CLSTN2: variants seen among roughly 807,000 people sequenced by gnomAD.
CLSTN2 encodes calsyntenin 2, also known as calsyntenin-2.
A neutral mutation model predicts 101.2 loss-of-function variants in CLSTN2; 48 were observed. That is an observed-to-expected ratio of 0.47 (90% CI 0.38 to 0.60). The LOEUF (loss-of-function observed/expected upper bound fraction) is 0.60. Among genes scored for constraint, CLSTN2 ranks in the 20% least tolerant of loss-of-function variants. CLSTN2 has a pLI of 0.00. For synonymous variants in CLSTN2, 481 were observed against 463.6 expected (o/e 1.04, Z -0.48); for missense variants, 1,160 against 1,238.2 (o/e 0.94, Z 0.95).
At chr3:140,110,043 C>T (rs929677284) in intron 1 of CLSTN2, among the ~76,000 whole-genome samples, 1 of 152,118 alleles carries the variant, frequency 6.6e-6, no homozygotes, top group Admixed American at 6.5e-5. Context: ...CAATTTTATG[C>T]CAGGTTTTGC....
intron 2 of CLSTN2, among the ~76,000 whole-genome samples, chr3:140,240,977 A>G (rs2086462327): frequency 6.6e-6 from 1 of 152,160 alleles, no homozygotes; most frequent in Non-Finnish European, 1.5e-5. Context: ...GTTGTAATGT[A>G]CCAGGATCTC....
intron 2 of CLSTN2, among the ~76,000 whole-genome samples, chr3:140,336,415 G>C (rs752518562): frequency 1.3e-5 from 2 of 152,224 alleles, no homozygotes; most frequent in African/African-American, 4.8e-5. Flanking sequence ...GATGAGGCTG[G>C]ACTATGGTTA....
At chr3:140,207,705 C>T (rs191531584) in intron 2 of CLSTN2, among the ~76,000 whole-genome samples, 275 of 152,160 alleles carry the variant, frequency 1.8e-3, no homozygotes, top group African/African-American at 5.9e-3. Flanking sequence ...TTGATTGTTG[C>T]ATAGGGTAAA....
chr3:140,111,019 T>G (rs1403855619), intron 1 of CLSTN2, among the ~76,000 whole-genome samples: 1 of 152,160 alleles, frequency 6.6e-6, no homozygotes, highest in Admixed American at 6.5e-5. Context: ...AACCCCATTC[T>G]CCTATTGTTC....
At chr3:140,194,037 T>C in intron 2 of CLSTN2, among the ~76,000 whole-genome samples, 1 of 152,210 alleles carries the variant, frequency 6.6e-6, no homozygotes, top group East Asian at 1.9e-4. Context: ...TTCTACTTTT[T>C]CTTTTGATTC....
intron 5 of CLSTN2, among the ~76,000 whole-genome samples, chr3:140,427,231 A>ATATATG (rs2088581071): frequency 9.8e-6 from 1 of 102,266 alleles, no homozygotes; most frequent in African/African-American, 5.7e-5. Flanking sequence ...ATATGTGTGT[A>ATATATG]TATATATATA....
intron 1 of CLSTN2, among the ~76,000 whole-genome samples, chr3:139,982,656 G>A (rs1452566172): frequency 6.6e-6 from 1 of 152,158 alleles, no homozygotes; most frequent in African/African-American, 2.4e-5. Flanking sequence ...GTTTCACTGT[G>A]TTGCTGCTAA....
chr3:140,176,065 C>A lies in CLSTN2; in HGVS notation c.224C>A (p.Pro75His). 2.5e-6 allele frequency: 4 copies of A among 1,613,744 alleles called. No homozygotes were observed. The highest frequency in any genetic ancestry group is 3.4e-6 in the Non-Finnish European group (4 of 1,179,812). Residue 75 changes from proline (P) to histidine (H), a missense_variant, in exon 2 of 17, where the codon CCT (proline) becomes CAT (histidine). Coordinates refer to ENST00000458420, the MANE Select transcript of CLSTN2 (RefSeq NM_022131.3). ...GCCCTGGATAAAGATGCACCGGTTC[C>A]TTTTGCAGGTGAGATTATGGCTTCG... ...LVALDKDAPV[P>H]FAGEICAFKI...
intron 1 of CLSTN2, among the ~76,000 whole-genome samples, chr3:140,042,331 G>A (rs1353319131): frequency 6.6e-6 from 1 of 152,178 alleles, no homozygotes; most frequent in East Asian, 1.9e-4. Flanking sequence ...TAGAAAAAAT[G>A]TGGGCTTTTG....
At chr3:140,101,286 CATT>C (rs1482819241) in intron 1 of CLSTN2, among the ~76,000 whole-genome samples, 1 of 152,126 alleles carries the variant, frequency 6.6e-6, no homozygotes, top group Non-Finnish European at 1.5e-5. Context: ...TAGACTTACC[CATT>C]ATTATTTTAT....
intron 2 of CLSTN2, among the ~76,000 whole-genome samples, chr3:140,374,938 C>T (rs1447821939): frequency 1.3e-5 from 2 of 152,252 alleles, no homozygotes; most frequent in Non-Finnish European, 2.9e-5. Context: ...TACACCAGCC[C>T]AGCTTAAAGC....
intron 2 of CLSTN2, among the ~76,000 whole-genome samples, chr3:140,344,515 G>A (rs1349497403): frequency 6.6e-6 from 1 of 152,108 alleles, no homozygotes; most frequent in Non-Finnish European, 1.5e-5. Flanking sequence ...TTTTCTATAA[G>A]TGCCATGGTC....
Position 140,563,298 on chromosome 3 carries a change from G to A in CLSTN2, c.2482+95G>A. 4.2e-6 allele frequency: 6 copies of A among 1,444,716 alleles called. No homozygotes were observed. In the South Asian group the frequency reaches 7.6e-5, roughly 18 times the overall value. 89.5% of individuals were successfully genotyped at this position (1,444,716 alleles called of 1,614,324 possible). The stretch of plus-strand genomic sequence containing the variant: ...AGACGGTTATGTTGTAGCAAACGTA[G>A]GTGCCCAGAACTGAGGGAGGGAACC... On this transcript the variant is annotated intron_variant, in intron 15 of 16. Coordinates refer to ENST00000458420, the MANE Select transcript of CLSTN2 (RefSeq NM_022131.3).
chr3:140,200,071 C>CAG (rs1401896410), intron 2 of CLSTN2, among the ~76,000 whole-genome samples: 1 of 152,116 alleles, frequency 6.6e-6, no homozygotes, highest in Non-Finnish European at 1.5e-5. Flanking sequence ...GAAGGCAGTT[C>CAG]AGATTTAAGA....
At chr3:140,089,759 C>T (rs183130875) in intron 1 of CLSTN2, among the ~76,000 whole-genome samples, 118 of 151,672 alleles carry the variant, frequency 7.8e-4, no homozygotes, top group African/African-American at 2.8e-3. Context: ...TACAGGCATG[C>T]ACCACCATAC....
At chr3:140,110,596 C>T (rs1319109665) in intron 1 of CLSTN2, among the ~76,000 whole-genome samples, 1 of 152,168 alleles carries the variant, frequency 6.6e-6, no homozygotes, top group African/African-American at 2.4e-5. Flanking sequence ...TAAAGTAATT[C>T]CCTTGGAGGA....
intron 1 of CLSTN2, among the ~76,000 whole-genome samples, chr3:140,098,448 C>T (rs1233535799): frequency 6.6e-6 from 1 of 152,188 alleles, no homozygotes; most frequent in Non-Finnish European, 1.5e-5. Flanking sequence ...TGATTTCTCA[C>T]CAGCTGTCAC....
chr3:140,059,562 C>T (rs766793801), intron 1 of CLSTN2, among the ~76,000 whole-genome samples: 2 of 152,080 alleles, frequency 1.3e-5, no homozygotes, highest in Non-Finnish European at 2.9e-5. Context: ...CCTGTCAAGC[C>T]CTCACTCAAC....
intron 4 of CLSTN2, among the ~76,000 whole-genome samples, chr3:140,407,251 G>A (rs1172223228): frequency 1.3e-5 from 2 of 152,176 alleles, no homozygotes; most frequent in Non-Finnish European, 2.9e-5. Context: ...AAGTGCTTCT[G>A]AATTTAGAGC....
Sources: gnomAD v4.1 joint callset for allele counts (sites outside exome capture counted in the v4.1 genomes callset) on GRCh38, gnomAD v4.1.1 for gene constraint, MANE v1.5 for transcripts, NCBI Gene and HGNC (gene_info 2026-07-23, HGNC 2026-07-21) for gene names.